Variants in OXR1 observed in about 807,000 individuals in gnomAD.
OXR1 encodes the protein oxidation resistance 1.
A neutral mutation model predicts 104.6 loss-of-function variants in OXR1; 41 were observed. That is an observed-to-expected ratio of 0.39 (90% confidence interval 0.31 to 0.51). The LOEUF (loss-of-function observed/expected upper bound fraction) is 0.51. OXR1 is among the 20% of genes least tolerant of loss of function. The pLI is 0.77. For synonymous variants in OXR1, 348 were observed against 348.4 expected, an observed-to-expected ratio of 1.00 and a Z score of 0.01; for missense variants, 955 against 1,031.9, an observed-to-expected ratio of 0.93 and a Z score of 1.02.
chr8:106,326,958 C>A (rs1013387600), intron 1 of OXR1, among the ~76,000 whole-genome samples: 12 of 151,986 alleles, frequency 7.9e-5, no homozygotes, highest in Non-Finnish European at 1.2e-4. Context: ...TTAATACTTC[C>A]TTTATGAGAG....
Position 106,568,648 on chromosome 8 carries a change from A to G in OXR1, c.220+49509A>G, listed in dbSNP as rs183709273. ...TCCAGTTTGCTTTTGTAAATGAAAT[A>G]CATCCAAATCACGAGAAAGTGGCAT... On this transcript the variant is annotated intron_variant, in intron 3 of 16. Transcript: ENST00000517566. 2.7e-3 allele frequency among the ~76,000 whole-genome samples: 404 copies of G among 152,268 alleles called. 16 individuals are homozygous for G. Among genetic ancestry groups the G allele is most frequent in the Admixed American group, 0.025 (386 of 15,278 alleles).
intron 1 of OXR1, among the ~76,000 whole-genome samples, chr8:106,287,652 AT>A (rs1419878575): frequency 3.7e-5 from 4 of 108,244 alleles, no homozygotes; most frequent in Admixed American, 3.4e-4. Context: ...AGAACATCCC[AT>A]TTCAAAAAAA....
intron 1 of OXR1, among the ~76,000 whole-genome samples, chr8:106,287,476 A>C (rs570333531): frequency 6.6e-6 from 1 of 152,206 alleles, no homozygotes; most frequent in Non-Finnish European, 1.5e-5. Context: ...AATGGTCTCC[A>C]AGTACATTAT....
intron 3 of OXR1, chr8:106,657,845 C>G: frequency 1.6e-6 from 2 of 1,238,688 alleles, no homozygotes; most frequent in East Asian, 6.3e-5. Flanking sequence ...ACGCCCCCTC[C>G]TCCTCCCCGC....
At position 106,378,156 on chromosome 8, in the gene OXR1, A is replaced by C. The variant is rs1816985287; in HGVS notation, c.23+18520A>C. 2.6e-5 allele frequency among the ~76,000 whole-genome samples: 4 copies of C among 152,180 alleles called. No individual in the cohort carries two copies. In the South Asian group the frequency reaches 8.3e-4, roughly 32 times the overall value. On this transcript the variant is annotated intron_variant, in intron 2 of 16. Transcript: ENST00000517566. Reference sequence around the variant, plus strand: ...TTTGGAATTTGTTAATTAGCTTTCAAAGAAATATACCCACTCAAATATCTC... The same window carrying C: ...TTTGGAATTTGTTAATTAGCTTTCACAGAAATATACCCACTCAAATATCTC...
At chr8:106,582,044 A>C (rs1387273491) in intron 3 of OXR1, among the ~76,000 whole-genome samples, 9 of 142,640 alleles carry the variant, frequency 6.3e-5, no homozygotes, top group Non-Finnish European at 9.2e-5. Context: ...AAAAAAAAAA[A>C]CCTAAAAAAC....
chr8:106,431,353 C>A (rs1268058308), intron 2 of OXR1, among the ~76,000 whole-genome samples: 2 of 152,160 alleles, frequency 1.3e-5, no homozygotes, highest in African/African-American at 4.8e-5. Flanking sequence ...GGAACACCTG[C>A]AAAACTGTAA....
At chr8:106,658,909 G>T (rs1324317018) in intron 3 of OXR1, among the ~76,000 whole-genome samples, 1 of 152,154 alleles carries the variant, frequency 6.6e-6, no homozygotes, top group African/African-American at 2.4e-5. Flanking sequence ...AACAGTTTTA[G>T]CATAATGCAT....
At chr8:106,328,450 A>G (rs963857160) in intron 1 of OXR1, among the ~76,000 whole-genome samples, 5 of 152,234 alleles carry the variant, frequency 3.3e-5, no homozygotes, top group Non-Finnish European at 7.3e-5. Flanking sequence ...GTTTGTTTTT[A>G]TCCCTGTCCA....
rs561211184 is a variant in OXR1, at chr8:106,477,452, T to C, written c.24-41491T>C. ...TATGCAGTTATGATTGAATACTGCA[T>C]CTTTATGTTTGTTTACTTTTCTCTA... On this transcript the variant is annotated intron_variant, in intron 2 of 16. Transcript: ENST00000517566. 6.6e-5 allele frequency among the ~76,000 whole-genome samples: 10 copies of C among 152,104 alleles called. No homozygotes were observed. The East Asian group carries it at 9.7e-4, about 15-fold the overall frequency.
At chr8:106,737,498 G>C (rs1351297722) in intron 11 of OXR1, 22 bp from the exon 12 acceptor site, 2 of 178,226 alleles carry the variant, frequency 1.1e-5, no homozygotes, top group Middle Eastern at 8.7e-4. Context: ...TGGAATTATT[G>C]TCTTCCTGTC....
chr8:106,336,103 A>G (rs1035436898), intron 1 of OXR1, among the ~76,000 whole-genome samples: 1 of 152,170 alleles, frequency 6.6e-6, no homozygotes, highest in Admixed American at 6.5e-5. Context: ...CTTCATAATA[A>G]TAATAATAGA....
rs796819684 is a variant in OXR1, at chr8:106,629,239, GT to G, written c.221-49960del. Among the ~76,000 whole-genome samples the G allele has an allele frequency of 7.3e-3, 1,072 of 146,466 alleles. 18 individuals are homozygous for G. Among genetic ancestry groups the G allele is most frequent in the African/African-American group, 0.024 (948 of 40,190 alleles). On this transcript the variant is annotated intron_variant, in intron 3 of 16. Coordinates refer to ENST00000517566, the MANE Select transcript of OXR1 (RefSeq NM_001198533.2). ...TGTGTTAAGTCTGCTATTCAAGTCT[GT>G]TTTTTTTTTTCCTCATGGTCCTTTT...
intron 2 of OXR1, among the ~76,000 whole-genome samples, chr8:106,444,318 T>C (rs1319471830): frequency 6.6e-6 from 1 of 152,174 alleles, no homozygotes; most frequent in Non-Finnish European, 1.5e-5. Flanking sequence ...ATAACATTTG[T>C]TCCAGCAATC....
intron 9 of OXR1, among the ~76,000 whole-genome samples, chr8:106,709,085 C>T (rs1029700269): frequency 1.3e-5 from 2 of 151,898 alleles, no homozygotes; most frequent in African/African-American, 4.8e-5. Flanking sequence ...AATGCATGTT[C>T]AGTAAAGAAC....
intron 3 of OXR1, among the ~76,000 whole-genome samples, chr8:106,543,297 T>G (rs576953835): frequency 1.3e-5 from 2 of 152,336 alleles, no homozygotes; most frequent in East Asian, 3.9e-4. Flanking sequence ...TGAGATGCAG[T>G]GTATTCATCT....
intron 1 of OXR1, among the ~76,000 whole-genome samples, chr8:106,320,011 A>G (rs186735467): frequency 4.5e-4 from 69 of 152,294 alleles, no homozygotes; most frequent in African/African-American, 1.5e-3. Flanking sequence ...TGCACACTGT[A>G]TACCCCTTTG....
At chr8:106,292,470 G>A (rs1379071178) in intron 1 of OXR1, among the ~76,000 whole-genome samples, 1 of 152,052 alleles carries the variant, frequency 6.6e-6, no homozygotes, top group Non-Finnish European at 1.5e-5. Flanking sequence ...TAGTTAAGAT[G>A]GAAAAAGCAT....
chr8:106,692,725 A>G lies in OXR1; in HGVS notation c.526-3A>G. The G allele has an allele frequency of 7.0e-7, 1 of 1,437,184 alleles. No homozygotes were observed. Among genetic ancestry groups the G allele is most frequent in the Non-Finnish European group, 9.2e-7 (1 of 1,086,704 alleles). 89.0% of individuals were successfully genotyped at this position (1,437,184 alleles called of 1,614,324 possible). On this transcript the variant is annotated splice_region_variant and splice_polypyrimidine_tract_variant and intron_variant, in intron 6 of 16. Transcript: ENST00000517566. ...TTTTCTTTCCTTTAAAAAAAAAAAA[A>G]AGAATCCTGATGTCCATCCAACAGA...
Sources: gnomAD v4.1 joint callset for allele counts (sites outside exome capture counted in the v4.1 genomes callset) on GRCh38, gnomAD v4.1.1 for gene constraint, MANE v1.5 for transcripts, NCBI Gene and HGNC (gene_info 2026-07-23, HGNC 2026-07-21) for gene names.